CSMD3: variants seen among roughly 807,000 people sequenced by gnomAD.
CSMD3 encodes CUB and sushi domain-containing protein 3.
Under a neutral mutation model 435.2 loss-of-function variants are expected in CSMD3, and 177 were observed. The observed-to-expected ratio is 0.41, with a 90% confidence interval of 0.36 to 0.46. The LOEUF is 0.46. CSMD3 is among the 20% of genes least tolerant of loss of function. CSMD3 has a pLI of 0.34. For missense variants in CSMD3, 4,265 were observed against 4,504.6 expected (o/e 0.95, Z 1.52); for synonymous variants, 1,656 against 1,520.5 (o/e 1.09, Z -2.07).
At chr8:112,476,703 G>T (rs1819088690) in intron 31 of CSMD3, among the ~76,000 whole-genome samples, 6 of 152,156 alleles carry the variant, frequency 3.9e-5, no homozygotes, top group Admixed American at 3.9e-4. Flanking sequence ...ATAATTTAGA[G>T]ACTGAAAATG....
chr8:113,323,338 C>T (rs753099223), intron 1 of CSMD3, among the ~76,000 whole-genome samples: 42 of 152,116 alleles, frequency 2.8e-4, no homozygotes, highest in Admixed American at 1.9e-3. Flanking sequence ...AATAACCAAA[C>T]GGCTCAAATT....
At chr8:112,387,467 G>C (rs1830075196) in intron 36 of CSMD3, among the ~76,000 whole-genome samples, 1 of 89,474 alleles carries the variant, frequency 1.1e-5, no homozygotes, top group Admixed American at 1.3e-4. Context: ...CATATATTAT[G>C]TGTGTGTGTG....
intron 5 of CSMD3, among the ~76,000 whole-genome samples, chr8:113,034,423 C>T (rs1168311495): frequency 6.6e-6 from 1 of 151,250 alleles, no homozygotes; most frequent in Non-Finnish European, 1.5e-5. Flanking sequence ...AGACAACAGT[C>T]ACAAAATATC....
intron 1 of CSMD3, among the ~76,000 whole-genome samples, chr8:113,353,308 AT>A (rs536909532): frequency 6.7e-6 from 1 of 149,788 alleles, no homozygotes; most frequent in African/African-American, 2.4e-5. Flanking sequence ...GCCTACTCAT[AT>A]TTTTTTAAAA....
chr8:112,924,157 T>C (rs538430415), intron 9 of CSMD3, among the ~76,000 whole-genome samples: 1 of 152,266 alleles, frequency 6.6e-6, no homozygotes, highest in Non-Finnish European at 1.5e-5. Flanking sequence ...TACAGGGGTT[T>C]AAGACAAGTG....
At chr8:113,198,591 T>C (rs568401543) in intron 3 of CSMD3, among the ~76,000 whole-genome samples, 2 of 151,392 alleles carry the variant, frequency 1.3e-5, no homozygotes, top group African/African-American at 4.8e-5. Context: ...GTTTTTGTTT[T>C]TGTTTTTTTT....
chr8:113,352,673 T>C (rs2094197828), intron 1 of CSMD3, among the ~76,000 whole-genome samples: 4 of 151,678 alleles, frequency 2.6e-5, no homozygotes. Context: ...CAGGAGTGAG[T>C]CAAGCACACT....
chr8:112,876,375 A>G (rs1290255918), intron 10 of CSMD3, among the ~76,000 whole-genome samples: 1 of 11,244 alleles, frequency 8.9e-5, no homozygotes, highest in Non-Finnish European at 1.3e-4. Context: ...AGACACAACA[A>G]AAAAAAAGAA....
At chr8:112,479,875 A>T (rs1402135568) in intron 31 of CSMD3, among the ~76,000 whole-genome samples, 1 of 152,204 alleles carries the variant, frequency 6.6e-6, no homozygotes, top group Non-Finnish European at 1.5e-5. Context: ...TAGAACCCAC[A>T]CAAAGTCCCC....
Position 112,707,144 on chromosome 8 carries a change from T to C in CSMD3, c.1973-17094A>G, listed in dbSNP as rs114056512. ...AGAACCTTAACTGCATACAGCCCAA[T>C]AGTCACCATCAAAAACTTTGAAACA... On this transcript the variant is annotated intron_variant, in intron 13 of 70. Coordinates refer to ENST00000297405, the MANE Select transcript of CSMD3 (RefSeq NM_198123.2). 6.4e-3 allele frequency among the ~76,000 whole-genome samples: 981 copies of C among 152,176 alleles called. 11 individuals are homozygous for C. Among genetic ancestry groups the C allele is most frequent in the African/African-American group, 0.022 (929 of 41,534 alleles).
chr8:112,460,821 GCTT>G, intron 32 of CSMD3, among the ~76,000 whole-genome samples: 1 of 152,182 alleles, frequency 6.6e-6, no homozygotes, highest in South Asian at 2.1e-4. Context: ...TCGAGTTTCT[GCTT>G]CTCAGCAAAA....
intron 10 of CSMD3, among the ~76,000 whole-genome samples, chr8:112,890,314 A>G (rs937203714): frequency 1.3e-5 from 2 of 151,692 alleles, no homozygotes; most frequent in South Asian, 2.1e-4. Context: ...TGTCTTTGCT[A>G]TAAGTATCTG....
chr8:112,899,524 A>AG (rs1015678732), intron 10 of CSMD3, among the ~76,000 whole-genome samples: 24 of 144,342 alleles, frequency 1.7e-4, no homozygotes, highest in Admixed American at 4.9e-4. Flanking sequence ...CTATATATAT[A>AG]TATATAGAAA....
At chr8:113,125,752 A>C (rs1270168610) in intron 4 of CSMD3, among the ~76,000 whole-genome samples, 1 of 151,968 alleles carries the variant, frequency 6.6e-6, no homozygotes, top group African/African-American at 2.4e-5. Flanking sequence ...TGGCAACTTG[A>C]AAATCATTGG....
chr8:113,143,535 T>C (rs1200652719), intron 4 of CSMD3, among the ~76,000 whole-genome samples: 4 of 151,458 alleles, frequency 2.6e-5, no homozygotes, highest in African/African-American at 9.7e-5. Context: ...TAGCCAAAAC[T>C]GTAAACAGTG....
chr8:112,981,355 GAATA>G (rs1336896839), intron 6 of CSMD3, among the ~76,000 whole-genome samples: 1 of 151,282 alleles, frequency 6.6e-6, no homozygotes, highest in African/African-American at 2.4e-5. Context: ...CTAAGATTAA[GAATA>G]AATAAATAGG....
At chr8:112,450,897 C>T (rs1320576604) in intron 32 of CSMD3, among the ~76,000 whole-genome samples, 1 of 152,050 alleles carries the variant, frequency 6.6e-6, no homozygotes, top group African/African-American at 2.4e-5. Flanking sequence ...CTGGAAACTC[C>T]TCTTATAGGA....
At chr8:113,129,464 G>A (rs958878336) in intron 4 of CSMD3, among the ~76,000 whole-genome samples, 10 of 152,068 alleles carry the variant, frequency 6.6e-5, no homozygotes, top group Non-Finnish European at 1.5e-4. Context: ...GTATGGAAAA[G>A]GAAATTTAGT....
chr8:113,001,673 A>G lies in CSMD3; in HGVS notation c.1030+17394T>C, dbSNP rs557702419. On this transcript the variant is annotated intron_variant, in intron 6 of 70. Coordinates refer to ENST00000297405, the MANE Select transcript of CSMD3 (RefSeq NM_198123.2). Reference sequence around the variant, plus strand: ...ATGTGTACTCACATACACACACTATATGTATATACAGGAAGTCCTCACTTA... The same window carrying G: ...ATGTGTACTCACATACACACACTATGTGTATATACAGGAAGTCCTCACTTA... 3.9e-5 allele frequency among the ~76,000 whole-genome samples: 6 copies of G among 152,178 alleles called. No individual in the cohort carries two copies. The South Asian group carries it at 1.2e-3, about 32-fold the overall frequency.
Sources: allele counts gnomAD v4.1 joint callset (sites outside exome capture counted in the v4.1 genomes callset), GRCh38; gene constraint gnomAD v4.1.1; transcripts MANE v1.5; gene names NCBI Gene and HGNC (gene_info 2026-07-23, HGNC 2026-07-21).